The following ZNF503 variants were observed in gnomAD, a reference collection of about 807,000 sequenced individuals.
The protein encoded by ZNF503 is zinc finger protein 503.
Under a neutral mutation model 34.4 loss-of-function variants are expected in ZNF503, and 15 were observed. The observed-to-expected ratio is 0.44, with a 90% confidence interval of 0.29 to 0.67. The LOEUF is 0.67. Ranked by LOEUF, ZNF503 falls within the 30% of genes least tolerant of loss-of-function variation. The pLI is 0.13. For synonymous variants in ZNF503, 580 were observed against 456.8 expected (o/e 1.27, Z -3.44); for missense variants, 1,007 against 926.8 (o/e 1.09, Z -1.12).
chr10:75,308,238 T>A, the ZNF503 span, among the ~76,000 whole-genome samples: 1 of 135,604 alleles, frequency 7.4e-6, no homozygotes, highest in Non-Finnish European at 1.5e-5. Flanking sequence ...TATGGAAAAA[T>A]TGCAAGACAG....
the ZNF503 span, among the ~76,000 whole-genome samples, chr10:75,303,831 CT>C: frequency 5.6e-3 from 695 of 124,484 alleles, no homozygotes; most frequent in African/African-American, 0.013. Context: ...GTGGCTAAAT[CT>C]TTTTTTTTTT....
chr10:75,396,943 A>C (rs528803957), downstream of ZNF503, among the ~76,000 whole-genome samples: 25 of 152,264 alleles, frequency 1.6e-4, no homozygotes, highest in East Asian at 4.3e-3. The surrounding 1 kb of genome is among the most constrained non-coding windows in gnomAD (Gnocchi z 4.4). Context: ...GGCCCGCGCC[A>C]CAGGGAGCTG....
At chr10:75,291,621 C>T in the ZNF503 span, among the ~76,000 whole-genome samples, 1 of 152,064 alleles carries the variant, frequency 6.6e-6, no homozygotes, top group Non-Finnish European at 1.5e-5. Flanking sequence ...AAAAAAAATC[C>T]CCAAAAAACC....
chr10:75,290,494 C>T, the ZNF503 span, among the ~76,000 whole-genome samples: 2 of 152,158 alleles, frequency 1.3e-5, no homozygotes, highest in Admixed American at 1.3e-4. Flanking sequence ...TCTCTATGAT[C>T]TTGGAAATCA....
At chr10:75,357,642 A>G in the ZNF503 span, among the ~76,000 whole-genome samples, 1 of 152,244 alleles carries the variant, frequency 6.6e-6, no homozygotes. Context: ...TAGCAGATTG[A>G]ATGGCGCAAA....
chr10:75,398,604 T>A lies in ZNF503; in HGVS notation c.*145A>T. The A allele has an allele frequency of 2.9e-6, 2 of 679,272 alleles. No individual in the cohort carries two copies. Among genetic ancestry groups the A allele is most frequent in the Non-Finnish European group, 2.1e-6 (1 of 481,558 alleles). The allele number at this position is 679,272 out of a possible 1,614,324, so 42.1% of individuals were successfully genotyped here. On this transcript the variant is annotated 3_prime_UTR_variant, in exon 2 of 2. Transcript: ENST00000372524. ...GTCTCGGTCGCTGCTGTCGGGTAGA[T>A]AGATACGGTATACATTTCTTTCCTT...
the ZNF503 span, among the ~76,000 whole-genome samples, chr10:75,286,504 C>T: frequency 3.3e-5 from 5 of 152,112 alleles, no homozygotes; most frequent in Non-Finnish European, 5.9e-5. Context: ...CAAGATAGAA[C>T]GGAGCCAGAA....
At chr10:75,395,210 C>T (rs1843682925), downstream of ZNF503, among the ~76,000 whole-genome samples, 1 of 152,196 alleles carries the variant, frequency 6.6e-6, no homozygotes, top group Non-Finnish European at 1.5e-5. This position sits in a 1 kb window ranked among gnomAD's most constrained non-coding sequence, Gnocchi z 4.4. Context: ...GGGAGCTCCC[C>T]AGGTTGGGAA....
In ZNF503 at chr10:75,401,664, G is replaced by C; in HGVS notation, c.-245C>G. 2 of 501,266 alleles carry C rather than the reference G, an allele frequency of 4.0e-6. No individual in the cohort carries two copies. The highest frequency in any genetic ancestry group is 2.7e-5 in the South Asian group (1 of 36,792). The allele number at this position is 501,266 out of a possible 1,614,324, so 31.1% of individuals were successfully genotyped here. A position where few individuals can be genotyped will look rare whatever the true frequency, so the allele number is the denominator to read the frequency against. On this transcript the variant is annotated 5_prime_UTR_variant, in exon 1 of 2. Transcript: ENST00000372524. Reference sequence around the variant, plus strand: ...GGACTGCGGGAGTGCCGGGCGGCTCGCGGTGTCCGCCTCGGGCTGCTCCCC... The same window carrying C: ...GGACTGCGGGAGTGCCGGGCGGCTCCCGGTGTCCGCCTCGGGCTGCTCCCC...
chr10:75,290,583 T>C, the ZNF503 span, among the ~76,000 whole-genome samples: 1 of 152,190 alleles, frequency 6.6e-6, no homozygotes, highest in African/African-American at 2.4e-5. Flanking sequence ...GGAATTAGCC[T>C]CCTTCTCTTC....
At chr10:75,386,498 A>G in the ZNF503 span, among the ~76,000 whole-genome samples, 1 of 152,176 alleles carries the variant, frequency 6.6e-6, no homozygotes, top group Non-Finnish European at 1.5e-5. Context: ...GCCATTCACC[A>G]GGTAGAGTCC....
At chr10:75,293,490 A>G in the ZNF503 span, among the ~76,000 whole-genome samples, 11 of 152,142 alleles carry the variant, frequency 7.2e-5, no homozygotes, top group Admixed American at 5.9e-4. Flanking sequence ...TGCTGAACAA[A>G]TATGCAAATG....
At chr10:75,357,847 G>A in the ZNF503 span, among the ~76,000 whole-genome samples, 7,922 of 152,168 alleles carry the variant, frequency 0.052, 571 homozygotes, top group African/African-American at 0.16. Context: ...TATAACAGGC[G>A]AGGCGCACAG....
the ZNF503 span, among the ~76,000 whole-genome samples, chr10:75,339,305 G>A: frequency 1.3e-5 from 2 of 152,182 alleles, no homozygotes; most frequent in South Asian, 4.1e-4. Flanking sequence ...GTAGGAAGAT[G>A]TTTCTCTCAT....
the ZNF503 span, among the ~76,000 whole-genome samples, chr10:75,330,183 C>T: frequency 2.0e-5 from 3 of 152,178 alleles, no homozygotes; most frequent in East Asian, 3.9e-4. Flanking sequence ...TCAAATCATC[C>T]TTGCATCCAG....
At chr10:75,342,266 G>A in the ZNF503 span, among the ~76,000 whole-genome samples, 4 of 152,134 alleles carry the variant, frequency 2.6e-5, no homozygotes, top group South Asian at 2.1e-4. Context: ...CCAGACAGAC[G>A]CGGTCACACA....
the ZNF503 span, among the ~76,000 whole-genome samples, chr10:75,280,555 C>CGT: frequency 0.21 from 30,527 of 146,474 alleles, 3,262 homozygotes; most frequent in African/African-American, 0.28. Flanking sequence ...GGTGTGTATG[C>CGT]GTGTGTGTGT....
chr10:75,347,055 G>A, the ZNF503 span, among the ~76,000 whole-genome samples: 9 of 152,076 alleles, frequency 5.9e-5, no homozygotes, highest in South Asian at 2.1e-4. Flanking sequence ...TTTCTGAAAC[G>A]GATTTTTAAA....
At chr10:75,322,285 T>C in the ZNF503 span, among the ~76,000 whole-genome samples, 14 of 151,730 alleles carry the variant, frequency 9.2e-5, no homozygotes, top group Admixed American at 9.2e-4. Flanking sequence ...CACCATGCCC[T>C]GCTAATTTTT....
Sources: allele counts gnomAD v4.1 joint callset (sites outside exome capture counted in the v4.1 genomes callset), GRCh38; gene constraint gnomAD v4.1.1; non-coding constraint Gnocchi (gnomAD v3.1); transcripts MANE v1.5; gene names NCBI Gene and HGNC (gene_info 2026-07-23, HGNC 2026-07-21).